NAV3: variants seen among roughly 807,000 people sequenced by gnomAD.
The protein encoded by NAV3 is neuron navigator 3, also known as pore membrane and/or filament interacting like protein 1.
Under a neutral mutation model 244.7 loss-of-function variants are expected in NAV3, and 87 were observed. The ratio of observed to expected loss-of-function variants is 0.36; its 90% CI spans 0.30 to 0.42. NAV3 has a LOEUF of 0.42. Ranked by LOEUF, NAV3 falls within the 20% of genes least tolerant of loss-of-function variation. NAV3 has a pLI of 1.00. For missense variants in NAV3, 2,663 were observed against 2,893.3 expected, an observed-to-expected ratio of 0.92 and a Z score of 1.83; for synonymous variants, 1,126 against 1,042.2, an observed-to-expected ratio of 1.08 and a Z score of -1.55.
In NAV3 at chr12:78,169,895, T is replaced by C. The variant is rs575829699; in HGVS notation, c.4981+1029T>C. On this transcript the variant is annotated intron_variant, in intron 24 of 39. Coordinates refer to ENST00000397909, the MANE Select transcript of NAV3 (RefSeq NM_001024383.2). ...TTCTAATGTTCGTGACATCATACAT[T>C]CTTGGTTTTTCTTCTGTTCCTTTGA... Among the ~76,000 whole-genome samples, 9 of 151,930 alleles carry C rather than the reference T, an allele frequency of 5.9e-5. No homozygotes were observed. In the South Asian group the frequency reaches 1.7e-3, roughly 28 times the overall value.
At chr12:77,921,378 T>C (rs1017430243) in intron 1 of NAV3, among the ~76,000 whole-genome samples, 2 of 152,078 alleles carry the variant, frequency 1.3e-5, no homozygotes, top group African/African-American at 4.8e-5. Context: ...CATAGAAATG[T>C]TCAAGAACAA....
At chr12:77,642,927 G>A (rs147361193) in intron 2 of NAV3, among the ~76,000 whole-genome samples, 142 of 151,978 alleles carry the variant, frequency 9.3e-4, no homozygotes, top group African/African-American at 3.4e-3. Flanking sequence ...AATCAGCTTT[G>A]ACCCAACAGG....
intron 8 of NAV3, among the ~76,000 whole-genome samples, chr12:78,018,872 G>A (rs1876674255): frequency 6.6e-6 from 1 of 152,100 alleles, no homozygotes; most frequent in South Asian, 2.1e-4. Context: ...TAGGCAAGAG[G>A]TCAGCGAGGG....
chr12:77,966,313 A>C lies in NAV3; in HGVS notation c.487+12A>C, dbSNP rs753042403. Reference sequence around the variant, plus strand: ...TCTATCTGCTGAAGGTAAGAAAAAGAATGACTGAATTGTCACAAATGGCAT... The same window carrying C: ...TCTATCTGCTGAAGGTAAGAAAAAGCATGACTGAATTGTCACAAATGGCAT... On this transcript the variant is annotated intron_variant, in intron 4 of 39. Transcript: ENST00000397909. The C allele has an allele frequency of 6.2e-7, 1 of 1,601,020 alleles. No individual in the cohort carries two copies. The highest frequency in any genetic ancestry group is 2.2e-5 in the East Asian group (1 of 44,714).
chr12:78,063,467 G>A (rs1307563415), intron 12 of NAV3, among the ~76,000 whole-genome samples: 4 of 152,068 alleles, frequency 2.6e-5, no homozygotes, highest in Non-Finnish European at 2.9e-5. Flanking sequence ...TAGATTCTAT[G>A]CTAACAATCA....
intron 23 of NAV3, among the ~76,000 whole-genome samples, chr12:78,168,325 A>G (rs528584872): frequency 6.6e-6 from 1 of 151,960 alleles, no homozygotes; most frequent in Non-Finnish European, 1.5e-5. Context: ...GAAATCATTC[A>G]TTTGACAAAA....
At chr12:78,022,353 G>A (rs1377945995) in intron 9 of NAV3, among the ~76,000 whole-genome samples, 1 of 152,092 alleles carries the variant, frequency 6.6e-6, no homozygotes, top group Non-Finnish European at 1.5e-5. Context: ...CATGTTTTTG[G>A]TGTGTATCAA....
chr12:78,099,618 CTT>C (rs1566130162), intron 12 of NAV3, among the ~76,000 whole-genome samples: 1 of 151,874 alleles, frequency 6.6e-6, no homozygotes, highest in African/African-American at 2.4e-5. Context: ...ATATTCTAAA[CTT>C]ATCACAAATA....
intron 1 of NAV3, among the ~76,000 whole-genome samples, chr12:77,852,502 G>A (rs1362379662): frequency 6.6e-6 from 1 of 152,050 alleles, no homozygotes; most frequent in Non-Finnish European, 1.5e-5. Context: ...TCGCACCACT[G>A]CACTCCAGCC....
chr12:78,159,316 A>C (rs781619854), intron 23 of NAV3, 30 bp downstream of exon 23: 22 of 1,567,202 alleles, frequency 1.4e-5, no homozygotes, highest in Non-Finnish European at 1.8e-5. Flanking sequence ...CTGGAGACTG[A>C]AAGAAGACAG....
chr12:77,930,759 G>GT (rs1399947093), intron 1 of NAV3, among the ~76,000 whole-genome samples: 1 of 152,096 alleles, frequency 6.6e-6, no homozygotes, highest in Non-Finnish European at 1.5e-5. Flanking sequence ...CTCTTAGAAT[G>GT]TTTTTGTATA....
At chr12:78,063,573 G>A (rs568944619) in intron 12 of NAV3, among the ~76,000 whole-genome samples, 1 of 152,258 alleles carries the variant, frequency 6.6e-6, no homozygotes, top group South Asian at 2.1e-4. Flanking sequence ...ATGGGTGAAA[G>A]TTCCTCAGTT....
At chr12:77,742,506 T>C (rs1457822754) in intron 2 of NAV3, among the ~76,000 whole-genome samples, 2 of 151,288 alleles carry the variant, frequency 1.3e-5, no homozygotes, top group Non-Finnish European at 2.9e-5. Flanking sequence ...ATTAGAAATA[T>C]CAAAAAAAAT....
intron 23 of NAV3, among the ~76,000 whole-genome samples, chr12:78,159,747 A>T (rs1957448899): frequency 6.6e-6 from 1 of 152,156 alleles, no homozygotes; most frequent in South Asian, 2.1e-4. Context: ...TAATTTAAAG[A>T]TTTTATCAGT....
intron 3 of NAV3, among the ~76,000 whole-genome samples, chr12:77,963,635 G>A (rs1470426379): frequency 3.3e-5 from 5 of 152,130 alleles, no homozygotes; most frequent in Non-Finnish European, 7.4e-5. Flanking sequence ...ATTGGAAACT[G>A]TATTCAAGTA....
chr12:77,731,438 T>C (rs1001642798), intron 2 of NAV3, among the ~76,000 whole-genome samples: 7 of 152,060 alleles, frequency 4.6e-5, no homozygotes, highest in African/African-American at 1.7e-4. Context: ...AATGATTTTA[T>C]GATACGATAT....
intron 1 of NAV3, among the ~76,000 whole-genome samples, chr12:77,851,128 C>A (rs1877455181): frequency 6.6e-6 from 1 of 152,184 alleles, no homozygotes; most frequent in Admixed American, 6.5e-5. Context: ...CTGATCCCCC[C>A]AGCTATCAAA....
intron 2 of NAV3, among the ~76,000 whole-genome samples, chr12:77,755,188 G>GT (rs1289598434): frequency 3.3e-5 from 5 of 151,894 alleles, no homozygotes; most frequent in African/African-American, 9.7e-5. Flanking sequence ...TATGCTTACT[G>GT]TTTTTTTAAT....
intron 1 of NAV3, among the ~76,000 whole-genome samples, chr12:77,926,224 A>G (rs1231615918): frequency 2.6e-5 from 4 of 152,136 alleles, no homozygotes; most frequent in African/African-American, 9.7e-5. Flanking sequence ...ACTTCTTTCT[A>G]AATTAATTAA....
Sources: gnomAD v4.1 joint callset for allele counts (sites outside exome capture counted in the v4.1 genomes callset) on GRCh38, gnomAD v4.1.1 for gene constraint, MANE v1.5 for transcripts, NCBI Gene and HGNC (gene_info 2026-07-23, HGNC 2026-07-21) for gene names.